Variants in AHNAK observed in about 807,000 individuals in gnomAD.
AHNAK encodes the protein neuroblast differentiation-associated protein AHNAK.
A neutral mutation model predicts 37.8 loss-of-function variants in AHNAK; 23 were observed. The ratio of observed to expected loss-of-function variants is 0.61; its 90% CI spans 0.44 to 0.86. The LOEUF is 0.86. Ranked by LOEUF, AHNAK falls within the 40% of genes least tolerant of loss-of-function variation. AHNAK has a pLI of 0.00. For missense variants in AHNAK, 7,411 were observed against 7,319.4 expected, an observed-to-expected ratio of 1.01 and a Z score of -0.46; for synonymous variants, 2,481 against 2,636.3, an observed-to-expected ratio of 0.94 and a Z score of 1.80.
intron 5 of AHNAK, among the ~76,000 whole-genome samples, chr11:62,469,886 T>C (rs1238972848): frequency 2.0e-5 from 3 of 152,016 alleles, no homozygotes; most frequent in Non-Finnish European, 4.4e-5. Context: ...GTGGACAAGA[T>C]AGGAAAAACA....
chr11:62,501,254 G>A (rs1939707233), intron 4 of AHNAK, among the ~76,000 whole-genome samples: 1 of 151,882 alleles, frequency 6.6e-6, no homozygotes, highest in Admixed American at 6.6e-5. Flanking sequence ...CAGTCTCAAT[G>A]CCTCAAATTC....
rs760459603 is a variant in AHNAK at position 62,527,599 on chromosome 11, T to A, written c.6818A>T (p.Asp2273Val). The A allele has an allele frequency of 3.1e-6, 5 of 1,613,214 alleles. No individual in the cohort carries two copies. The highest frequency in any genetic ancestry group is 1.7e-5 in the Admixed American group (1 of 59,922). ...AACATCCACCTTGGGTCCTGAGACA[T>A]CAACGTCAGCCTTGGGCAAGTTCAC... ...VDVNLPKADV[D>V]VSGPKVDVEV... Residue 2273 changes from aspartate to valine, a missense_variant, in exon 5 of 5, where the codon GAT (aspartate) becomes GTT (valine). By Grantham distance (152) the Asp-to-Val change is radical. Transcript: ENST00000378024.
In AHNAK at chr11:62,529,752, A is replaced by G. The variant is rs1429284079; in HGVS notation, c.4665T>C (p.Leu1555=). The G allele has an allele frequency of 6.2e-7, 1 of 1,614,056 alleles. No individual in the cohort carries two copies. ...CTTTTAGTTTCCCCTCTGGAGCTTCAAGATTCACATCTGGAACATCAATGT... is the reference window on the plus strand; with the variant it reads ...CTTTTAGTTTCCCCTCTGGAGCTTCGAGATTCACATCTGGAACATCAATGT... ...KVDIDVPDVN[L]EAPEGKLKGP... Residue 1555 remains leucine, a synonymous_variant, in exon 5 of 5, where the codon CTT becomes CTC. Coordinates refer to ENST00000378024, the MANE Select transcript of AHNAK (RefSeq NM_001620.3).
intron 4 of AHNAK, among the ~76,000 whole-genome samples, chr11:62,499,596 C>T (rs1489997381): frequency 1.3e-5 from 2 of 152,108 alleles, no homozygotes; most frequent in Non-Finnish European, 2.9e-5. Context: ...TCGGCAGCTG[C>T]GCAGCTCCTA....
intron 4 of AHNAK, among the ~76,000 whole-genome samples, chr11:62,498,343 G>C (rs978583315): frequency 5.9e-5 from 9 of 151,736 alleles, no homozygotes; most frequent in Non-Finnish European, 1.2e-4. Flanking sequence ...GGAACAAGGG[G>C]AATTTCTCTT....
Position 62,530,265 on chromosome 11 carries a change from C to T in AHNAK, c.4152G>A (p.Lys1384=), listed in dbSNP as rs369188920. 1.4e-5 allele frequency: 23 copies of T among 1,612,792 alleles called. No homozygotes were observed. Among genetic ancestry groups the T allele is most frequent in the Non-Finnish European group, 4.2e-6 (5 of 1,179,792 alleles). ...HGPDWHLKMP[K]VKMPKFSMPG... ...GCATGCTGAACTTGGGCATTTTCAC[C>T]TTGGGCATCTTCAGGTGCCAATCTG... The change falls in exon 5 of 5, where the codon AAG becomes AAA. Residue 1384 remains lysine, a synonymous_variant. Transcript: ENST00000378024.
rs1428885960 is a variant in AHNAK at position 62,520,246 on chromosome 11, G to A, written c.14171C>T (p.Pro4724Leu). 1 of 1,612,190 alleles carries A rather than the reference G, an allele frequency of 6.2e-7. No individual in the cohort carries two copies. The highest frequency in any genetic ancestry group is 2.2e-5 in the East Asian group (1 of 44,760). ...MSIKAPKISM[P>L]DIDLNLKGPK... ...TCCTTTCAGGTTTAAGTCAATATCAGGCATGGAGATCTTGGGGGCTTTGAT... is the reference window on the plus strand; with the variant it reads ...TCCTTTCAGGTTTAAGTCAATATCAAGCATGGAGATCTTGGGGGCTTTGAT... The change falls in exon 5 of 5, where the codon CCT (proline) becomes CTT (leucine). Residue 4724 changes from proline to leucine, a missense_variant. Transcript: ENST00000378024.
In AHNAK at chr11:62,532,814, C is replaced by T; in HGVS notation, c.1603G>A (p.Ala535Thr). ...ATGTCCACTCTGGAGCCTTTAAGTG[C>T]CACTTGAGGGCCTTTAACATCACCT... ...VQGDVKGPQV[A>T]LKGSRVDIET... Residue 535 changes from alanine (A) to threonine (T), a missense_variant, in exon 5 of 5, where the codon GCA (alanine) becomes ACA (threonine). Coordinates refer to ENST00000378024, the MANE Select transcript of AHNAK (RefSeq NM_001620.3). The T allele has an allele frequency of 6.2e-7, 1 of 1,614,038 alleles. No individual in the cohort carries two copies.
At chr11:62,506,926 T>C (rs149648436) in intron 4 of AHNAK, among the ~76,000 whole-genome samples, 223 of 152,254 alleles carry the variant, frequency 1.5e-3, no homozygotes, top group Admixed American at 2.7e-3. Context: ...TTTCCTTTCA[T>C]GGCTGGACCT....
chr11:62,530,450 T>C lies in AHNAK; in HGVS notation c.3967A>G (p.Ile1323Val). The change falls in exon 5 of 5, where the codon ATC becomes GTC. Residue 1323 changes from isoleucine (I) to valine (V), a missense_variant. By Grantham distance (29) the Ile-to-Val change is conservative (BLOSUM62 3). Coordinates refer to ENST00000378024, the MANE Select transcript of AHNAK (RefSeq NM_001620.3). Reference protein sequence around the residue: ...MPEMHFKAPKISMPDVDLNLK... With the variant: ...MPEMHFKAPKVSMPDVDLNLK... ...TTCAGGTCCACATCAGGCATGGAGA[T>C]CTTGGGGGCCTTGAAGTGCATCTCA... is the stretch of plus-strand genomic sequence containing the variant. 6.2e-7 allele frequency: 1 copy of C among 1,613,938 alleles called. No individual in the cohort carries two copies. The highest frequency in any genetic ancestry group is 8.5e-7 in the Non-Finnish European group (1 of 1,179,994).
rs1208249389 is a variant in AHNAK, at chr11:62,523,784, T to C, written c.10633A>G (p.Met3545Val). 1.9e-6 allele frequency: 3 copies of C among 1,614,194 alleles called. 1 individual carries two copies. The South Asian group carries it at 3.3e-5, about 18-fold the overall frequency. The change falls in exon 5 of 5, where the codon ATG becomes GTG. Residue 3545 changes from methionine to valine, a missense_variant. Met to Val is a conservative substitution (Grantham distance 21). Coordinates refer to ENST00000378024, the MANE Select transcript of AHNAK (RefSeq NM_001620.3). The part of the protein sequence containing the change: ...DMNIKAPKIS[M>V]PDIDLNLKGP... ...TTCAAGTTTAAGTCAATGTCAGGCA[T>C]GGAGATCTTGGGAGCTTTGATATTC...
rs147636421 is a variant in AHNAK at position 62,521,801 on chromosome 11, G to A, written c.12616C>T (p.Pro4206Ser). ...TTGGGCAGGTTCACATCCACATCTG[G>A]GCCCTCTCCTTTGAAGCCAGGCATG... ...FSMPGFKGEG[P>S]DVDVNLPKAD... Residue 4206 changes from proline (P) to serine (S), a missense_variant, in exon 5 of 5, where the codon CCA (proline) becomes TCA (serine). Coordinates refer to ENST00000378024, the MANE Select transcript of AHNAK (RefSeq NM_001620.3). The A allele has an allele frequency of 5.9e-4, 956 of 1,613,324 alleles. 6 individuals are homozygous for A. In the East Asian group the frequency reaches 0.017, roughly 28 times the overall value.
chr11:62,456,996 C>T (rs1162444939), intron 5 of AHNAK, among the ~76,000 whole-genome samples: 1 of 152,146 alleles, frequency 6.6e-6, no homozygotes, highest in African/African-American at 2.4e-5. Context: ...CTCATTGATT[C>T]ACCTTAGAAA....
At position 62,524,175 on chromosome 11, in the gene AHNAK, T is replaced by A; in HGVS notation, c.10242A>T (p.Lys3414Asn). The change falls in exon 5 of 5, where the codon AAA (lysine) becomes AAT (asparagine). Residue 3414 changes from lysine to asparagine, a missense_variant. Transcript: ENST00000378024. ...KMPFLSISSPKVSMPDVELNL... is the reference protein window; with the variant it reads ...KMPFLSISSPNVSMPDVELNL... Reference sequence around the variant, plus strand: ...TTAGCTCCACGTCAGGCATAGAAACTTTGGGAGATGAAATACTCAGGAAAG... The same window carrying A: ...TTAGCTCCACGTCAGGCATAGAAACATTGGGAGATGAAATACTCAGGAAAG... 1 of 1,614,028 alleles carries A rather than the reference T, an allele frequency of 6.2e-7. No homozygotes were observed. Among genetic ancestry groups the A allele is most frequent in the South Asian group, 1.1e-5 (1 of 91,016 alleles).
intron 4 of AHNAK, among the ~76,000 whole-genome samples, chr11:62,492,425 C>T (rs953714883): frequency 6.6e-6 from 1 of 152,146 alleles, no homozygotes; most frequent in African/African-American, 2.4e-5. Flanking sequence ...AGAAGGAGAG[C>T]CCACCTGGCC....
intron 5 of AHNAK, among the ~76,000 whole-genome samples, chr11:62,456,246 A>G (rs2134815566): frequency 6.6e-6 from 1 of 152,316 alleles, no homozygotes; most frequent in East Asian, 1.9e-4. Context: ...GAAGCCACTC[A>G]GACTGTATTA....
In AHNAK at chr11:62,476,036, T is replaced by C. The variant is rs140828157; in HGVS notation, c.442+15696A>G. 7.9e-3 allele frequency among the ~76,000 whole-genome samples: 1,210 copies of C among 152,316 alleles called. 4 individuals carry two copies. Among genetic ancestry groups the C allele is most frequent in the South Asian group, 0.028 (137 of 4,826 alleles). ...AAAGCAAATTCAAGCTATTTTCTTATTCAAGTTCAAAATGGGTTGTAAAGC... is the reference window on the plus strand; with the variant it reads ...AAAGCAAATTCAAGCTATTTTCTTACTCAAGTTCAAAATGGGTTGTAAAGC... On this transcript the variant is annotated intron_variant, in intron 5 of 5. Transcript: ENST00000257247.
At chr11:62,495,904 C>G (rs1012339746) in intron 4 of AHNAK, among the ~76,000 whole-genome samples, 1 of 151,716 alleles carries the variant, frequency 6.6e-6, no homozygotes, top group Non-Finnish European at 1.5e-5. Context: ...GAAAAATTAG[C>G]CAGGCATGGT....
rs1435384200 is a variant in AHNAK, at chr11:62,536,067, A to G, written c.32T>C (p.Leu11Pro). 4.4e-6 allele frequency: 7 copies of G among 1,601,138 alleles called. No homozygotes were observed. Among genetic ancestry groups the G allele is most frequent in the Non-Finnish European group, 6.0e-6 (7 of 1,173,272 alleles). The change falls in exon 3 of 5, where the codon CTG (leucine) becomes CCG (proline). Residue 11 changes from leucine (L) to proline (P), a missense_variant. Coordinates refer to ENST00000378024, the MANE Select transcript of AHNAK (RefSeq NM_001620.3). MEKEETTREL[L>P]LPNWQGSGSH... The stretch of plus-strand genomic sequence containing the variant: ...GCCACTACCCTGCCAGTTGGGCAGC[A>G]GCAGCTCCCGGGTTGTCTCCTCCTT...
Sources: gnomAD v4.1 joint callset for allele counts (sites outside exome capture counted in the v4.1 genomes callset) on GRCh38, gnomAD v4.1.1 for gene constraint, MANE v1.5 for transcripts, NCBI Gene and HGNC (gene_info 2026-07-23, HGNC 2026-07-21) for gene names.